The following SYT1 variants were observed in gnomAD, a reference collection of about 807,000 sequenced individuals.
The protein encoded by SYT1 is synaptotagmin 1.
SYT1 carries 8 observed loss-of-function variants against 44.8 expected under a neutral mutation model. The ratio of observed to expected loss-of-function variants is 0.18; its 90% CI spans 0.10 to 0.32. SYT1 has a LOEUF of 0.32. Ranked by LOEUF, SYT1 falls within the 10% of genes least tolerant of loss-of-function variation. The probability of loss-of-function intolerance (pLI) is 1.00; values close to 1 mark genes in which losing one functional copy is unlikely to be tolerated. For synonymous variants in SYT1, 154 were observed against 188.8 expected (o/e 0.82, Z 1.51); for missense variants, 286 against 509.3 (o/e 0.56, Z 4.22).
intron 4 of SYT1, among the ~76,000 whole-genome samples, chr12:79,280,424 G>C (rs1287961022): frequency 6.6e-6 from 1 of 152,114 alleles, no homozygotes; most frequent in Non-Finnish European, 1.5e-5. Flanking sequence ...TCAACAAATG[G>C]TGCTGGGAAA....
intron 3 of SYT1, among the ~76,000 whole-genome samples, chr12:79,114,498 C>T (rs183809198): frequency 6.6e-6 from 1 of 152,190 alleles, no homozygotes; most frequent in Non-Finnish European, 1.5e-5. Context: ...CCCTAACTCC[C>T]ATGTCTTAAG....
At chr12:79,078,650 C>A (rs1254310961) in intron 3 of SYT1, among the ~76,000 whole-genome samples, 1 of 151,932 alleles carries the variant, frequency 6.6e-6, no homozygotes, top group African/African-American at 2.4e-5. Flanking sequence ...AGGTATTATG[C>A]CTGGCCTCCA....
chr12:79,109,411 G>A (rs1878892965), intron 3 of SYT1, among the ~76,000 whole-genome samples: 1 of 152,182 alleles, frequency 6.6e-6, no homozygotes, highest in Non-Finnish European at 1.5e-5. Flanking sequence ...TTACATGAAT[G>A]TCCAGGATGG....
At chr12:79,060,173 G>A (rs1410798955) in intron 3 of SYT1, among the ~76,000 whole-genome samples, 1 of 152,062 alleles carries the variant, frequency 6.6e-6, no homozygotes, top group Non-Finnish European at 1.5e-5. Context: ...CTCTATCATA[G>A]CAGTAACTTT....
chr12:79,094,068 A>G lies in SYT1; in HGVS notation c.-18+46706A>G, dbSNP rs1187194883. The stretch of plus-strand genomic sequence containing the variant: ...GTTAAAAGTAAATAAGCTAAAATGT[A>G]TGATTAACAATTAATGTTCCAGTAT... On this transcript the variant is annotated intron_variant, in intron 3 of 10. Coordinates refer to ENST00000261205, the MANE Select transcript of SYT1 (RefSeq NM_005639.3). 3.3e-5 allele frequency among the ~76,000 whole-genome samples: 5 copies of G among 151,820 alleles called. No homozygotes were observed. The East Asian group carries it at 5.8e-4, about 18-fold the overall frequency.
chr12:79,094,534 AT>A (rs1342456328), intron 3 of SYT1, among the ~76,000 whole-genome samples: 2 of 151,912 alleles, frequency 1.3e-5, no homozygotes, highest in African/African-American at 4.8e-5. Context: ...CAAAAATATT[AT>A]AGTTTTTATT....
intron 8 of SYT1, among the ~76,000 whole-genome samples, chr12:79,349,495 G>C (rs1452265928): frequency 6.6e-6 from 1 of 152,144 alleles, no homozygotes; most frequent in Non-Finnish European, 1.5e-5. Flanking sequence ...ATGATTTTGA[G>C]TTAAAAGAGT....
chr12:78,974,493 G>C (rs976202578), intron 1 of SYT1, among the ~76,000 whole-genome samples: 1 of 151,912 alleles, frequency 6.6e-6, no homozygotes, highest in Non-Finnish European at 1.5e-5. Flanking sequence ...CTGGAGTGCA[G>C]TGGTACGATC....
intron 9 of SYT1, among the ~76,000 whole-genome samples, chr12:79,429,100 C>CA (rs995231273): frequency 6.6e-6 from 1 of 152,146 alleles, no homozygotes; most frequent in African/African-American, 2.4e-5. Flanking sequence ...ACCCCATGAC[C>CA]AAAACACCTC....
In SYT1 at chr12:78,875,094, T is replaced by C. The variant is rs181951492; in HGVS notation, c.-217+9985T>C. ...TAGTTTTGTAAGGAAGGAGGGGTTA[T>C]TTCAAGGAGTTTATAAAGTTTTAAC... is the stretch of plus-strand genomic sequence containing the variant. On this transcript the variant is annotated intron_variant, in intron 1 of 10. Transcript: ENST00000261205. 1.5e-3 allele frequency among the ~76,000 whole-genome samples: 226 copies of C among 151,824 alleles called. 1 individual carries two copies. The highest frequency in any genetic ancestry group is 5.2e-3 in the African/African-American group (215 of 41,502).
chr12:79,235,827 A>G (rs1876157353), intron 4 of SYT1, among the ~76,000 whole-genome samples: 1 of 152,116 alleles, frequency 6.6e-6, no homozygotes, highest in African/African-American at 2.4e-5. Context: ...TAACAATGAA[A>G]TGGATTTTTA....
chr12:78,974,057 A>G (rs997398493), intron 1 of SYT1, among the ~76,000 whole-genome samples: 1 of 143,610 alleles, frequency 7.0e-6, no homozygotes, highest in South Asian at 2.2e-4. Flanking sequence ...CATTGGGTGA[A>G]CATCATAGAG....
intron 2 of SYT1, among the ~76,000 whole-genome samples, chr12:78,994,966 C>T (rs1392045846): frequency 1.3e-5 from 2 of 152,098 alleles, no homozygotes; most frequent in African/African-American, 2.4e-5. Context: ...GCTGCACTGA[C>T]GCTCCCCAGT....
chr12:78,964,300 G>C (rs1326414253), intron 1 of SYT1: 1 of 152,056 alleles, frequency 6.6e-6, no homozygotes, highest in African/African-American at 2.4e-5. Flanking sequence ...TTTTATATTA[G>C]AATTATGTCA....
At chr12:79,145,820 G>A (rs1039456708) in intron 3 of SYT1, among the ~76,000 whole-genome samples, 1 of 151,044 alleles carries the variant, frequency 6.6e-6, no homozygotes, top group Non-Finnish European at 1.5e-5. Flanking sequence ...TGCAGTGGCG[G>A]GATCTCGGCT....
At chr12:78,910,782 G>T (rs1876274823) in intron 1 of SYT1, among the ~76,000 whole-genome samples, 1 of 151,950 alleles carries the variant, frequency 6.6e-6, no homozygotes. Flanking sequence ...CCTTATCGAA[G>T]AATCTAGGCT....
intron 9 of SYT1, among the ~76,000 whole-genome samples, chr12:79,386,851 C>T (rs1314645722): frequency 6.6e-6 from 1 of 152,118 alleles, no homozygotes; most frequent in Non-Finnish European, 1.5e-5. Flanking sequence ...TTCCCTGTGA[C>T]CTCCTACTTC....
chr12:79,223,655 C>T (rs952168566), intron 4 of SYT1, among the ~76,000 whole-genome samples: 9 of 152,184 alleles, frequency 5.9e-5, no homozygotes, highest in Non-Finnish European at 1.2e-4. Flanking sequence ...CTGCCTGCTG[C>T]TGAGGGTGAC....
At chr12:79,112,090 CAGTT>C (rs1879046274) in intron 3 of SYT1, among the ~76,000 whole-genome samples, 1 of 150,280 alleles carries the variant, frequency 6.7e-6, no homozygotes, top group African/African-American at 2.4e-5. Flanking sequence ...AGAGAGTCAA[CAGTT>C]AGTTGGACAA....
Sources: allele counts gnomAD v4.1 joint callset (sites outside exome capture counted in the v4.1 genomes callset), GRCh38; gene constraint gnomAD v4.1.1; transcripts MANE v1.5; gene names NCBI Gene and HGNC (gene_info 2026-07-23, HGNC 2026-07-21).